L3MBTL4: variants seen among roughly 807,000 people sequenced by gnomAD.
L3MBTL4 encodes lethal(3)malignant brain tumor-like protein 4.
A neutral mutation model predicts 84.5 loss-of-function variants in L3MBTL4; 70 were observed. The ratio of observed to expected loss-of-function variants is 0.83; its 90% CI spans 0.68 to 1.01. The LOEUF (loss-of-function observed/expected upper bound fraction) is 1.01. Among genes scored for constraint, L3MBTL4 ranks in the 50% least tolerant of loss-of-function variants. L3MBTL4 has a pLI of 0.00. For missense variants in L3MBTL4, 715 were observed against 754.8 expected (o/e 0.95, Z 0.62); for synonymous variants, 274 against 259.8 (o/e 1.05, Z -0.52).
intron 10 of L3MBTL4, among the ~76,000 whole-genome samples, chr18:6,237,524 C>T (rs1440875145): frequency 1.5e-5 from 2 of 136,788 alleles, no homozygotes; most frequent in Non-Finnish European, 1.5e-5. Context: ...GACACGATCT[C>T]GGCTCACTGC....
intron 10 of L3MBTL4, among the ~76,000 whole-genome samples, chr18:6,221,251 C>G (rs557752455): frequency 6.6e-6 from 1 of 152,192 alleles, no homozygotes; most frequent in East Asian, 1.9e-4. Context: ...ACTAGAGAAG[C>G]AGAACAACCA....
intron 1 of L3MBTL4, among the ~76,000 whole-genome samples, chr18:6,373,564 A>G (rs1007233682): frequency 6.6e-6 from 1 of 152,190 alleles, no homozygotes; most frequent in African/African-American, 2.4e-5. Flanking sequence ...GACAAAGTGC[A>G]AAGAGAAGTC....
intron 1 of L3MBTL4, among the ~76,000 whole-genome samples, chr18:6,385,858 C>G (rs951778513): frequency 1.3e-5 from 2 of 152,116 alleles, no homozygotes; most frequent in African/African-American, 4.8e-5. Flanking sequence ...TTTAGGGAAA[C>G]ACCAAAATCT....
At chr18:6,195,012 T>A (rs980678950) in intron 12 of L3MBTL4, among the ~76,000 whole-genome samples, 29 of 152,346 alleles carry the variant, frequency 1.9e-4, no homozygotes, top group African/African-American at 6.7e-4. Flanking sequence ...TCTTCCTTTT[T>A]CCTCACCTGT....
At chr18:5,974,700 C>T (rs1260951267) in intron 16 of L3MBTL4, among the ~76,000 whole-genome samples, 1 of 152,172 alleles carries the variant, frequency 6.6e-6, no homozygotes, top group Non-Finnish European at 1.5e-5. Flanking sequence ...TGCAGTGGCT[C>T]ACACTTGTAA....
At chr18:6,390,909 A>C (rs2055021607) in intron 1 of L3MBTL4, among the ~76,000 whole-genome samples, 1 of 152,194 alleles carries the variant, frequency 6.6e-6, no homozygotes, top group Non-Finnish European at 1.5e-5. Context: ...CATTCAAAGA[A>C]CAACTGGTCC....
At chr18:6,116,359 GTTTT>G (rs147840317) in intron 14 of L3MBTL4, among the ~76,000 whole-genome samples, 1 of 129,908 alleles carries the variant, frequency 7.7e-6, no homozygotes, top group East Asian at 2.3e-4. Flanking sequence ...GTTGTTGCTG[GTTTT>G]TTTTTTTTTT....
At chr18:6,031,084 T>C (rs1166738827) in intron 16 of L3MBTL4, 1 of 985,452 alleles carries the variant, frequency 1.0e-6, no homozygotes, top group Non-Finnish European at 1.2e-6. Flanking sequence ...TTATTAATTA[T>C]AGGAAGCTGG....
At chr18:6,309,388 G>A (rs2146923395) in intron 3 of L3MBTL4, among the ~76,000 whole-genome samples, 1 of 152,370 alleles carries the variant, frequency 6.6e-6, no homozygotes, top group East Asian at 1.9e-4. Context: ...TCAATTATGT[G>A]TGAACATGCT....
At chr18:6,296,780 T>G (rs1355145153) in intron 4 of L3MBTL4, among the ~76,000 whole-genome samples, 1 of 152,048 alleles carries the variant, frequency 6.6e-6, no homozygotes, top group Non-Finnish European at 1.5e-5. Context: ...ATAGAAAGAC[T>G]GAAAAGTGAC....
intron 1 of L3MBTL4, among the ~76,000 whole-genome samples, chr18:6,376,569 TACA>T (rs371816419): frequency 2.6e-5 from 4 of 151,980 alleles, no homozygotes; most frequent in African/African-American, 9.7e-5. Context: ...ACCCCATCTG[TACA>T]ACAACAACAA....
At chr18:6,328,548 C>T (rs1490659088) in intron 1 of L3MBTL4, among the ~76,000 whole-genome samples, 1 of 152,164 alleles carries the variant, frequency 6.6e-6, no homozygotes, top group Non-Finnish European at 1.5e-5. Context: ...AGCACTGCTG[C>T]CAAAATGACA....
chr18:6,083,759 G>C (rs139565494), intron 15 of L3MBTL4, among the ~76,000 whole-genome samples: 5 of 152,062 alleles, frequency 3.3e-5, no homozygotes, highest in African/African-American at 1.2e-4. Context: ...TGTTGCTGTC[G>C]CAAGTGTCAA....
chr18:6,079,009 C>G lies in L3MBTL4; in HGVS notation c.1444+1872G>C, dbSNP rs139670502. Among the ~76,000 whole-genome samples the G allele has an allele frequency of 3.6e-3, 541 of 152,312 alleles. 3 individuals are homozygous for G. Among genetic ancestry groups the G allele is most frequent in the African/African-American group, 0.013 (526 of 41,566 alleles). On this transcript the variant is annotated intron_variant, in intron 16 of 18. Transcript: ENST00000317931. ...ATGAGGATCTAATGCTGCAGCTGAT[C>G]TGACAGGAGGCCGAGCTCAGGTGGT...
intron 3 of L3MBTL4, among the ~76,000 whole-genome samples, chr18:6,302,567 A>G (rs750254255): frequency 1.3e-5 from 2 of 152,260 alleles, no homozygotes; most frequent in African/African-American, 2.4e-5. Context: ...TTACCATTCA[A>G]CAAAGACTAG....
chr18:6,179,145 T>C (rs1194608366), intron 12 of L3MBTL4, among the ~76,000 whole-genome samples: 3 of 152,226 alleles, frequency 2.0e-5, no homozygotes, highest in Non-Finnish European at 4.4e-5. Flanking sequence ...CATTGTTTTA[T>C]TTTGCTATAA....
chr18:6,132,735 C>A (rs2144553698), intron 14 of L3MBTL4, among the ~76,000 whole-genome samples: 1 of 152,238 alleles, frequency 6.6e-6, no homozygotes, highest in South Asian at 2.1e-4. Context: ...ATCAATTAGA[C>A]CCCATTTACA....
chr18:6,318,987 C>A (rs2051265509), intron 1 of L3MBTL4, among the ~76,000 whole-genome samples: 1 of 152,040 alleles, frequency 6.6e-6, no homozygotes, highest in Non-Finnish European at 1.5e-5. Flanking sequence ...AACCTCAAAG[C>A]TATATAAATA....
intron 12 of L3MBTL4, among the ~76,000 whole-genome samples, chr18:6,196,361 G>A (rs1165912792): frequency 6.6e-6 from 1 of 152,044 alleles, no homozygotes; most frequent in African/African-American, 2.4e-5. Context: ...GTTTCACCGT[G>A]TTGGCCAGGA....
Sources: gnomAD v4.1 joint callset for allele counts (sites outside exome capture counted in the v4.1 genomes callset) on GRCh38, gnomAD v4.1.1 for gene constraint, MANE v1.5 for transcripts, NCBI Gene and HGNC (gene_info 2026-07-23, HGNC 2026-07-21) for gene names.